PRPF18: variants seen among roughly 807,000 people sequenced by gnomAD.
PRPF18 encodes pre-mRNA processing factor 18.
A neutral mutation model predicts 46.5 loss-of-function variants in PRPF18; 38 were observed. That is an observed-to-expected ratio of 0.82 (90% CI 0.63 to 1.07). The LOEUF (loss-of-function observed/expected upper bound fraction) is 1.07, where lower values mean the gene tolerates loss of function less well. Ranked by LOEUF, PRPF18 falls within the 50% of genes least tolerant of loss-of-function variation. PRPF18 has a pLI of 0.00. For synonymous variants in PRPF18, 152 were observed against 146.7 expected, an observed-to-expected ratio of 1.04 and a Z score of -0.26; for missense variants, 263 against 410.0, an observed-to-expected ratio of 0.64 and a Z score of 3.10.
the PRPF18 span, chr10:13,641,238 G>A: frequency 6.6e-6 from 1 of 152,220 alleles, no homozygotes; most frequent in African/African-American, 2.4e-5. Flanking sequence ...GAAAGCTGAT[G>A]AAAAAGAAAG....
At chr10:13,603,102 T>C (rs1460661380) in intron 3 of PRPF18, among the ~76,000 whole-genome samples, 2 of 152,252 alleles carry the variant, frequency 1.3e-5, no homozygotes, top group Admixed American at 6.5e-5. Flanking sequence ...GAAGTTGTTC[T>C]TTTTGTGAGA....
chr10:13,630,552 A>G lies in PRPF18; in HGVS notation c.*212A>G. On this transcript the variant is annotated 3_prime_UTR_variant, in exon 10 of 10. Transcript: ENST00000378572. Reference sequence around the variant, plus strand: ...ATTTTTCTTTCTTGCTTTCATTTTAATTAGTCCAAAATTAAGTTTTAAAGA... The same window carrying G: ...ATTTTTCTTTCTTGCTTTCATTTTAGTTAGTCCAAAATTAAGTTTTAAAGA... 3 of 352,746 alleles carry G rather than the reference A, an allele frequency of 8.5e-6. No individual in the cohort carries two copies. Among genetic ancestry groups the G allele is most frequent in the East Asian group, 4.4e-5 (1 of 22,632 alleles). The allele number at this position is 352,746 out of a possible 1,614,324, so 21.9% of individuals were successfully genotyped here.
At chr10:13,591,943 T>G (rs1159755762) in intron 1 of PRPF18, 4 of 1,202,696 alleles carry the variant, frequency 3.3e-6, no homozygotes, top group Non-Finnish European at 4.6e-6. Flanking sequence ...TTTTTTTTTT[T>G]GCCATGGCTC....
chr10:13,600,389 A>C, intron 3 of PRPF18, 41 bp downstream of exon 3: 21 of 1,434,660 alleles, frequency 1.5e-5, no homozygotes, highest in Non-Finnish European at 2.0e-5. Context: ...TAAGATCTCC[A>C]CGGTGTTTAC....
chr10:13,636,497 A>C, the PRPF18 span, among the ~76,000 whole-genome samples: 1 of 152,192 alleles, frequency 6.6e-6, no homozygotes, highest in Non-Finnish European at 1.5e-5. Flanking sequence ...GTTACGCGTC[A>C]AGTGTCTGTT....
At chr10:13,610,582 C>T (rs148528240) in intron 5 of PRPF18, among the ~76,000 whole-genome samples, 62 of 152,242 alleles carry the variant, frequency 4.1e-4, no homozygotes, top group African/African-American at 1.4e-3. Context: ...TACACTGAAT[C>T]CTTTGCTTTT....
downstream of PRPF18, among the ~76,000 whole-genome samples, chr10:13,635,090 CT>C (rs964242989): frequency 6.6e-6 from 1 of 152,118 alleles, no homozygotes; most frequent in African/African-American, 2.4e-5. Context: ...GTTGTTACCC[CT>C]GTGTGTCCAT....
At chr10:13,645,375 C>T in the PRPF18 span, 1 of 152,432 alleles carries the variant, frequency 6.6e-6, no homozygotes, top group South Asian at 2.1e-4. Context: ...CCCATCCCCC[C>T]ACCACTTGCG....
rs186783419 is a variant in PRPF18, at chr10:13,604,197, C to G, written c.250-1434C>G. Among the ~76,000 whole-genome samples the G allele has an allele frequency of 3.6e-3, 553 of 152,278 alleles. 1 individual carries two copies. Among genetic ancestry groups the G allele is most frequent in the African/African-American group, 0.013 (523 of 41,564 alleles). ...ACCTCTTAAATTTCTGTTTTAATCT[C>G]AAACTTCTGTTAATCCACTGGGAGC... is the stretch of plus-strand genomic sequence containing the variant. On this transcript the variant is annotated intron_variant, in intron 3 of 9. Transcript: ENST00000378572.
At chr10:13,651,893 C>CT in the PRPF18 span, 1 of 1,464,530 alleles carries the variant, frequency 6.8e-7, no homozygotes, top group Non-Finnish European at 9.6e-7. Flanking sequence ...CAAAACTCCC[C>CT]TTACGGTACC....
the PRPF18 span, chr10:13,642,917 CAAGGCTTCTGT>C: frequency 1.3e-5 from 2 of 152,138 alleles, no homozygotes; most frequent in South Asian, 4.1e-4. Flanking sequence ...CTCTAGTGGC[CAAGGCTTCTGT>C]AAGGCTTCCC....
chr10:13,602,339 T>C (rs545074595), intron 3 of PRPF18, among the ~76,000 whole-genome samples: 1 of 152,334 alleles, frequency 6.6e-6, no homozygotes, highest in African/African-American at 2.4e-5. Flanking sequence ...AAATTTGTCT[T>C]TATTGATTTG....
chr10:13,625,257 G>A (rs1051285011), intron 9 of PRPF18, among the ~76,000 whole-genome samples: 3 of 152,218 alleles, frequency 2.0e-5, no homozygotes, highest in Non-Finnish European at 2.9e-5. Flanking sequence ...GTTTGAGGCT[G>A]CAGTGAGCTA....
chr10:13,592,736 C>T (rs951665734), intron 1 of PRPF18, among the ~76,000 whole-genome samples: 1 of 152,176 alleles, frequency 6.6e-6, no homozygotes, highest in African/African-American at 2.4e-5. Flanking sequence ...CCAGGCTGCT[C>T]TAGAAACTCA....
At chr10:13,603,634 C>T (rs1265549571) in intron 3 of PRPF18, among the ~76,000 whole-genome samples, 1 of 152,052 alleles carries the variant, frequency 6.6e-6, no homozygotes, top group Non-Finnish European at 1.5e-5. Flanking sequence ...ATCTTTGAGT[C>T]CTCAGTAGTC....
At chr10:13,652,837 G>A in the PRPF18 span, 62,107 of 151,998 alleles carry the variant, frequency 0.41, 13,560 homozygotes, top group East Asian at 0.83. Context: ...GATTTTTTTT[G>A]TGTTACAGGT....
the PRPF18 span, among the ~76,000 whole-genome samples, chr10:13,650,044 C>T: frequency 1.3e-5 from 2 of 152,176 alleles, no homozygotes; most frequent in Non-Finnish European, 2.9e-5. Context: ...AATGCCCTTT[C>T]CCAGGGCTAT....
chr10:13,609,031 A>T (rs935515345), intron 4 of PRPF18, among the ~76,000 whole-genome samples: 1 of 152,176 alleles, frequency 6.6e-6, no homozygotes, highest in Non-Finnish European at 1.5e-5. Context: ...AGTGTTTGAG[A>T]AATTATAAGT....
chr10:13,645,501 G>A, the PRPF18 span: 1 of 152,576 alleles, frequency 6.6e-6, no homozygotes, highest in Admixed American at 6.5e-5. Context: ...AAGATTGATG[G>A]CTTTCCAGTT....
Sources: gnomAD v4.1 joint callset for allele counts (sites outside exome capture counted in the v4.1 genomes callset) on GRCh38, gnomAD v4.1.1 for gene constraint, MANE v1.5 for transcripts, NCBI Gene and HGNC (gene_info 2026-07-23, HGNC 2026-07-21) for gene names.